The following RNFT1 variants were observed in gnomAD, a reference collection of about 807,000 sequenced individuals.
RNFT1 encodes E3 ubiquitin-protein ligase RNFT1.
RNFT1 carries 35 observed loss-of-function variants against 53.2 expected under a neutral mutation model. The ratio of observed to expected loss-of-function variants is 0.66; its 90% CI spans 0.50 to 0.87. The LOEUF (loss-of-function observed/expected upper bound fraction) is 0.87. Ranked by LOEUF, RNFT1 falls within the 40% of genes least tolerant of loss-of-function variation. RNFT1 has a pLI of 0.00. For missense variants in RNFT1, 421 were observed against 515.0 expected, an observed-to-expected ratio of 0.82 and a Z score of 1.77; for synonymous variants, 141 against 172.8, an observed-to-expected ratio of 0.82 and a Z score of 1.44.
Position 59,963,207 on chromosome 17 carries a change from AG to A in RNFT1, c.133del (p.Leu45CysfsTer23). 1 of 1,614,192 alleles carries A rather than the reference AG, an allele frequency of 6.2e-7. No homozygotes were observed. Among genetic ancestry groups the A allele is most frequent in the Non-Finnish European group, 8.5e-7 (1 of 1,180,040 alleles). On this transcript the variant is annotated frameshift_variant, in exon 2 of 9. Coordinates refer to ENST00000305783, the MANE Select transcript of RNFT1 (RefSeq NM_016125.4). LOFTEE classifies it high-confidence loss of function. ...LRAMQANRSQ[L>X]HSPPGTGSSE... The stretch of plus-strand genomic sequence containing the variant: ...GCTTCCAGTTCCTGGAGGACTGTGC[AG>A]TTGGCTACGATTGGCTTGCATGGCC...
Position 59,953,008 on chromosome 17 carries a change from C to T in RNFT1, c.1277G>A (p.Gly426Glu), listed in dbSNP as rs745450937. Residue 426 changes from glycine (G) to glutamate (E), a missense_variant, in exon 9 of 9, where the codon GGA (glycine) becomes GAA (glutamate). Transcript: ENST00000305783. ...TATTTGAAGGTGTGATGAAGTGGCT[C>T]CATCCTTCCATTTGTTTATATGGTC... ...ISDHINKWKDGATSSHLQIY is the reference protein window; with the variant it reads ...ISDHINKWKDEATSSHLQIY 10 of 1,613,256 alleles carry T rather than the reference C, an allele frequency of 6.2e-6. No homozygotes were observed. Among genetic ancestry groups the T allele is most frequent in the South Asian group, 2.2e-5 (2 of 91,052 alleles).
chr17:59,953,325 G>A (rs1056145768), intron 8 of RNFT1, among the ~76,000 whole-genome samples: 13 of 151,868 alleles, frequency 8.6e-5, no homozygotes, highest in Admixed American at 2.0e-4. Flanking sequence ...AGCCTCCCAA[G>A]TTGCCGGGAT....
chr17:59,956,577 T>C, intron 6 of RNFT1, 24 bp from the exon 7 acceptor site: 4 of 1,590,936 alleles, frequency 2.5e-6, no homozygotes, highest in Non-Finnish European at 2.6e-6. Flanking sequence ...TAAGAGATCA[T>C]TTATTAATTC....
intron 8 of RNFT1, 115 bp downstream of exon 8, chr17:59,953,930 C>T: frequency 1.6e-6 from 1 of 625,082 alleles, no homozygotes; most frequent in South Asian, 2.3e-5. Flanking sequence ...CTGAATGCTA[C>T]CTTCCACTAA....
chr17:59,960,044 T>C, intron 4 of RNFT1, 24 bp downstream of exon 4: 1 of 1,574,960 alleles, frequency 6.3e-7, no homozygotes, highest in Non-Finnish European at 8.6e-7. Context: ...AAAAATGTAA[T>C]TGTGTATTTG....
rs762048699 is a variant in RNFT1, at chr17:59,963,198, G to A, written c.143C>T (p.Pro48Leu). 280 of 1,614,054 alleles carry A rather than the reference G, an allele frequency of 1.7e-4. 2 individuals carry two copies. The Admixed American group carries it at 4.6e-3, about 27-fold the overall frequency. Reference protein sequence around the residue: ...MQANRSQLHSPPGTGSSEDAS... With the variant: ...MQANRSQLHSLPGTGSSEDAS... ...ATCCTCACTGCTTCCAGTTCCTGGA[G>A]GACTGTGCAGTTGGCTACGATTGGC... Residue 48 changes from proline to leucine, a missense_variant, in exon 2 of 9, where the codon CCT becomes CTT. Transcript: ENST00000305783.
At chr17:59,954,793 C>T (rs372456221) in intron 7 of RNFT1, among the ~76,000 whole-genome samples, 3 of 152,120 alleles carry the variant, frequency 2.0e-5, no homozygotes, top group African/African-American at 4.8e-5. Context: ...AAAAGTTTTA[C>T]GGAGAAACTG....
intron 2 of RNFT1, 66 bp downstream of exon 2, chr17:59,962,761 C>G (rs1437782168): frequency 6.9e-7 from 1 of 1,448,756 alleles, no homozygotes. Flanking sequence ...AAGTAGATTA[C>G]CAATAATGAA....
At chr17:59,959,732 A>G (rs2045275761) in intron 4 of RNFT1, 1 of 157,138 alleles carries the variant, frequency 6.4e-6, no homozygotes, top group Non-Finnish European at 1.4e-5. Context: ...CAACATGGTG[A>G]AACTCCGTCT....
Position 59,952,891 on chromosome 17 carries a change from G to A in RNFT1, c.*86C>T. On this transcript the variant is annotated 3_prime_UTR_variant, in exon 9 of 9. Transcript: ENST00000305783. ...ACCATCTGGAAACATTTTTCTGGTA[G>A]CCCTGAAAATCCATTCTGATGCCTT... 1 of 1,259,338 alleles carries A rather than the reference G, an allele frequency of 7.9e-7. No individual in the cohort carries two copies. Among genetic ancestry groups the A allele is most frequent in the Non-Finnish European group, 1.1e-6 (1 of 906,962 alleles). The allele number at this position is 1,259,338 out of a possible 1,614,324, so 78.0% of individuals were successfully genotyped here. A position where few individuals can be genotyped will look rare whatever the true frequency, so the allele number is the denominator to read the frequency against.
chr17:59,955,568 C>G (rs1451563403), intron 7 of RNFT1, among the ~76,000 whole-genome samples: 1 of 152,190 alleles, frequency 6.6e-6, no homozygotes, highest in African/African-American at 2.4e-5. Flanking sequence ...ATCAGTTGAA[C>G]TGACTTGGAC....
In RNFT1 at chr17:59,952,673, T is replaced by C. The variant is rs1209252559; in HGVS notation, c.*304A>G. 8 of 191,650 alleles carry C rather than the reference T, an allele frequency of 4.2e-5. No homozygotes were observed. The highest frequency in any genetic ancestry group is 8.5e-5 in the Non-Finnish European group (8 of 94,314). 11.9% of individuals were successfully genotyped at this position (191,650 alleles called of 1,614,324 possible). A position where few individuals can be genotyped will look rare whatever the true frequency, so the allele number is the denominator to read the frequency against. ...TACCTGAGTTCTCTAAAACCACTAG[T>C]TCTAATTTCAAATTGCTGTTTTGGT... On this transcript the variant is annotated 3_prime_UTR_variant, in exon 9 of 9. Coordinates refer to ENST00000305783, the MANE Select transcript of RNFT1 (RefSeq NM_016125.4).
chr17:59,953,992 C>T, intron 8 of RNFT1, 53 bp downstream of exon 8: 2 of 1,117,762 alleles, frequency 1.8e-6, no homozygotes, highest in Admixed American at 2.6e-5. Context: ...TTGACTTTTG[C>T]AAGTCACAGA....
At position 59,962,562 on chromosome 17, in the gene RNFT1, A is replaced by T. The variant is rs112835092; in HGVS notation, c.569T>A (p.Ile190Asn). The T allele has an allele frequency of 3.1e-6, 5 of 1,606,404 alleles. No homozygotes were observed. The highest frequency in any genetic ancestry group is 4.2e-6 in the Non-Finnish European group (5 of 1,177,478). Residue 190 changes from isoleucine (I) to asparagine (N), a missense_variant, in exon 3 of 9, where the codon ATT becomes AAT. Ile to Asn is a moderately radical substitution (Grantham distance 149). Transcript: ENST00000305783. The stretch of plus-strand genomic sequence containing the variant: ...TACTCTTAGAAAAACCTGATTTACA[A>T]TGCTTTTGTTTGCATACATAAAAGT... Reference protein sequence around the residue: ...LTTFMYANKSIVNQVFLRERS... With the variant: ...LTTFMYANKSNVNQVFLRERS...
At chr17:59,964,284 CG>C (rs892400067) in intron 1 of RNFT1, among the ~76,000 whole-genome samples, 2 of 152,110 alleles carry the variant, frequency 1.3e-5, no homozygotes, top group African/African-American at 4.8e-5. Context: ...CCGTGTCTGG[CG>C]GTTTGGGTTT....
At chr17:59,962,777 A>G in intron 2 of RNFT1, 50 bp downstream of exon 2, 4 of 1,517,120 alleles carry the variant, frequency 2.6e-6, no homozygotes, top group South Asian at 2.5e-5. Flanking sequence ...ATGAAAGAAA[A>G]TTAACTGAAT....
intron 3 of RNFT1, among the ~76,000 whole-genome samples, chr17:59,960,888 AT>A (rs972156083): frequency 6.6e-6 from 1 of 151,680 alleles, no homozygotes; most frequent in African/African-American, 2.4e-5. Flanking sequence ...CAAGGTTTAT[AT>A]TTTTTAAATT....
chr17:59,962,693 T>C (rs2045303463), intron 2 of RNFT1, 77 bp from the exon 3 acceptor site: 1 of 1,364,978 alleles, frequency 7.3e-7, no homozygotes, highest in East Asian at 2.3e-5. Flanking sequence ...ATGACACAAA[T>C]TAAAAATAAA....
chr17:59,960,587 G>C (rs2045283979), intron 3 of RNFT1, among the ~76,000 whole-genome samples: 1 of 151,860 alleles, frequency 6.6e-6, no homozygotes, highest in African/African-American at 2.4e-5. Flanking sequence ...AAGGTCGGCG[G>C]ATCGCTTGAG....
Sources: gnomAD v4.1 joint callset for allele counts (sites outside exome capture counted in the v4.1 genomes callset) on GRCh38, gnomAD v4.1.1 for gene constraint, MANE v1.5 for transcripts, NCBI Gene and HGNC (gene_info 2026-07-23, HGNC 2026-07-21) for gene names.